The following LDB3 variants were observed in gnomAD, a reference collection of about 807,000 sequenced individuals.
LDB3 encodes LIM domain-binding protein 3.
In LDB3, 49 loss-of-function variants were observed where a neutral mutation model predicts 69.0. The observed-to-expected ratio is 0.71, with a 90% CI of 0.56 to 0.90. The LOEUF (loss-of-function observed/expected upper bound fraction) is 0.90. LDB3 is among the 40% of genes least tolerant of loss of function. LDB3 has a pLI of 0.00. For missense variants in LDB3, 928 were observed against 974.1 expected, an observed-to-expected ratio of 0.95 and a Z score of 0.63; for synonymous variants, 387 against 396.2, an observed-to-expected ratio of 0.98 and a Z score of 0.28.
chr10:86,722,467 A>G (rs575276440), intron 12 of LDB3, among the ~76,000 whole-genome samples: 88 of 150,028 alleles, frequency 5.9e-4, no homozygotes, highest in African/African-American at 1.8e-3. Flanking sequence ...TCACCATGTT[A>G]GCCAGGATGG....
chr10:86,666,816 G>A (rs1844203274), upstream of LDB3: 2 of 470,758 alleles, frequency 4.2e-6, no homozygotes, highest in Non-Finnish European at 8.8e-6. Context: ...TCAGGCAGGA[G>A]CCAGAGGCCA....
chr10:86,712,099 C>CTGAGG (rs1265574657), intron 9 of LDB3, among the ~76,000 whole-genome samples: 4 of 152,080 alleles, frequency 2.6e-5, no homozygotes, highest in Admixed American at 6.5e-5. Flanking sequence ...GGCTGCGAAG[C>CTGAGG]GCCACTGCCT....
At position 86,716,588 on chromosome 10, in the gene LDB3, A is replaced by G. The variant is rs751906818; in HGVS notation, c.1493A>G (p.Gln498Arg). The change falls in exon 10 of 14, where the codon CAG (glutamine) becomes CGG (arginine). Residue 498 changes from glutamine (Q) to arginine (R), a missense_variant. By Grantham distance (43) the Gln-to-Arg change is conservative. Coordinates refer to ENST00000361373, the MANE Select transcript of LDB3 (RefSeq NM_007078.3). ...PPWVTDDSFS[Q>R]KFAPGKSTTS... Reference sequence around the variant, plus strand: ...TGGGTGACAGATGATAGCTTCTCCCAGAAGTTTGCCCCGGGCAAGAGCACC... The same window carrying G: ...TGGGTGACAGATGATAGCTTCTCCCGGAAGTTTGCCCCGGGCAAGAGCACC... 3 of 1,613,562 alleles carry G rather than the reference A, an allele frequency of 1.9e-6. No individual in the cohort carries two copies. Among genetic ancestry groups the G allele is most frequent in the Non-Finnish European group, 2.5e-6 (3 of 1,179,892 alleles).
intron 7 of LDB3, among the ~76,000 whole-genome samples, 193 bp downstream of exon 7, chr10:86,692,764 G>A (rs902060865): frequency 1.3e-5 from 2 of 152,208 alleles, no homozygotes; most frequent in Admixed American, 6.5e-5. Flanking sequence ...CTGGACCCGA[G>A]TCTCTGTCCT....
intron 2 of LDB3, among the ~76,000 whole-genome samples, 165 bp from the exon 3 acceptor site, chr10:86,679,202 C>A (rs112528048): frequency 1.3e-5 from 2 of 152,202 alleles, no homozygotes; most frequent in Admixed American, 6.5e-5. Context: ...AGTCATGTGC[C>A]GGAAAGAGGA....
intron 9 of LDB3, among the ~76,000 whole-genome samples, chr10:86,712,558 A>C (rs11202137): frequency 0.022 from 3,311 of 152,254 alleles, 60 homozygotes; most frequent in South Asian, 0.074. Flanking sequence ...TCCAAGTCTC[A>C]GTTCCTCATC....
chr10:86,682,786 T>C (rs1159104882), intron 5 of LDB3, among the ~76,000 whole-genome samples: 2 of 152,212 alleles, frequency 1.3e-5, no homozygotes, highest in Non-Finnish European at 2.9e-5. Flanking sequence ...ACTCACTGCA[T>C]GACACCTGGT....
At chr10:86,710,238 GA>G (rs1320985924) in intron 9 of LDB3, 188 bp downstream of exon 9, 1 of 985,324 alleles carries the variant, frequency 1.0e-6, no homozygotes, top group African/African-American at 1.7e-5. Flanking sequence ...TGGTCTGGGG[GA>G]GACAGGTGAG....
Position 86,681,440 on chromosome 10 carries a change from C to T in LDB3, c.326C>T (p.Pro109Leu). 6.2e-7 allele frequency: 1 copy of T among 1,602,198 alleles called. No individual in the cohort carries two copies. Among genetic ancestry groups the T allele is most frequent in the Non-Finnish European group, 8.5e-7 (1 of 1,179,812 alleles). Residue 109 changes from proline to leucine, a missense_variant, in exon 5 of 14, where the codon CCC becomes CTC. By Grantham distance (98) the Pro-to-Leu change is moderately conservative. Transcript: ENST00000361373. Reference sequence around the variant, plus strand: ...GCATGGCCTGCCCTGTGCCAGGACCCCGCTCTGGACACGAACGGCAGCCTG... The same window carrying T: ...GCATGGCCTGCCCTGTGCCAGGACCTCGCTCTGGACACGAACGGCAGCCTG... Reference protein sequence around the residue: ...PLPVIPHQKDPALDTNGSLVA... With the variant: ...PLPVIPHQKDLALDTNGSLVA...
rs778658354 is a variant in LDB3, at chr10:86,687,191, C to T, written c.690-4705C>T. On this transcript the variant is annotated intron_variant, in intron 5 of 13. Coordinates refer to ENST00000361373, the MANE Select transcript of LDB3 (RefSeq NM_007078.3). ...ACCATCATCCATGCGCAGTACAACA[C>T]GCCCATCAGCATGTATTCCCAGGAT... 1.9e-6 allele frequency: 3 copies of T among 1,614,228 alleles called. No individual in the cohort carries two copies. The highest frequency in any genetic ancestry group is 1.1e-5 in the South Asian group (1 of 91,088).
At chr10:86,673,298 T>C (rs947992975) in intron 2 of LDB3, among the ~76,000 whole-genome samples, 1 of 152,154 alleles carries the variant, frequency 6.6e-6, no homozygotes, top group African/African-American at 2.4e-5. Flanking sequence ...GAGGGGGCAG[T>C]GACCCGTGGC....
At chr10:86,672,949 G>A (rs1844570239) in intron 2 of LDB3, among the ~76,000 whole-genome samples, 1 of 152,206 alleles carries the variant, frequency 6.6e-6, no homozygotes, top group Non-Finnish European at 1.5e-5. Flanking sequence ...TCTGCTGGGG[G>A]CTAGCTCCCC....
Position 86,716,592 on chromosome 10 carries a change from G to A in LDB3, c.1497G>A (p.Lys499=). The A allele has an allele frequency of 6.2e-7, 1 of 1,613,836 alleles. No individual in the cohort carries two copies. Among genetic ancestry groups the A allele is most frequent in the Non-Finnish European group, 8.5e-7 (1 of 1,179,958 alleles). Residue 499 remains lysine (K), a synonymous_variant, in exon 10 of 14, where the codon AAG becomes AAA. Transcript: ENST00000361373. ...PWVTDDSFSQ[K]FAPGKSTTSI... The stretch of plus-strand genomic sequence containing the variant: ...TGACAGATGATAGCTTCTCCCAGAA[G>A]TTTGCCCCGGGCAAGAGCACCACCT...
chr10:86,694,817 C>T (rs1845930832), intron 7 of LDB3, among the ~76,000 whole-genome samples: 1 of 152,188 alleles, frequency 6.6e-6, no homozygotes, highest in African/African-American at 2.4e-5. Flanking sequence ...CATGCCTTGT[C>T]CCACCCTGGT....
chr10:86,691,795 CA>C, intron 5 of LDB3, 100 bp from the exon 6 acceptor site: 2 of 1,351,824 alleles, frequency 1.5e-6, no homozygotes, highest in Non-Finnish European at 2.1e-6. Context: ...AAGGTGGGGA[CA>C]GAACGATAGG....
At chr10:86,687,174 C>T in intron 5 of LDB3, 3 of 1,614,248 alleles carry the variant, frequency 1.9e-6, no homozygotes, top group Non-Finnish European at 2.5e-6. Context: ...CCACCATCAT[C>T]CATGCGCAGT....
chr10:86,692,957 G>T (rs1845837291), intron 7 of LDB3, among the ~76,000 whole-genome samples: 1 of 152,222 alleles, frequency 6.6e-6, no homozygotes, highest in African/African-American at 2.4e-5. Flanking sequence ...TGATTCCGAA[G>T]GCTGGGCACT....
intron 9 of LDB3, among the ~76,000 whole-genome samples, chr10:86,711,267 C>A (rs1053835110): frequency 6.6e-6 from 1 of 152,142 alleles, no homozygotes; most frequent in Admixed American, 6.5e-5. Context: ...GCCCGCCAGG[C>A]GGCGTCAGGG....
intron 7 of LDB3, among the ~76,000 whole-genome samples, chr10:86,704,666 A>G (rs1432763669): frequency 4.3e-5 from 6 of 140,394 alleles, no homozygotes; most frequent in Non-Finnish European, 4.5e-5. Flanking sequence ...TGCAAGCTCC[A>G]CCTCCTGGGT....
Sources: gnomAD v4.1 joint callset for allele counts (sites outside exome capture counted in the v4.1 genomes callset) on GRCh38, gnomAD v4.1.1 for gene constraint, MANE v1.5 for transcripts, NCBI Gene and HGNC (gene_info 2026-07-23, HGNC 2026-07-21) for gene names.